NEIL3: variants seen among roughly 807,000 people sequenced by gnomAD.
NEIL3 encodes the protein nei like DNA glycosylase 3.
Under a neutral mutation model 57.5 loss-of-function variants are expected in NEIL3, and 48 were observed. The observed-to-expected ratio is 0.83, with a 90% confidence interval of 0.66 to 1.06. The LOEUF is 1.06. NEIL3 is among the 50% of genes least tolerant of loss of function. The probability of loss-of-function intolerance (pLI) is 0.00; values close to 1 mark genes in which losing one functional copy is unlikely to be tolerated. For missense variants in NEIL3, 717 were observed against 739.1 expected, an observed-to-expected ratio of 0.97 and a Z score of 0.35; for synonymous variants, 261 against 253.2, an observed-to-expected ratio of 1.03 and a Z score of -0.29.
At chr4:177,335,556 C>G (rs1734956866) in intron 2 of NEIL3, 132 bp from the exon 3 acceptor site, 1 of 639,880 alleles carries the variant, frequency 1.6e-6, no homozygotes, top group Admixed American at 2.8e-5. Flanking sequence ...CCACTGGTTT[C>G]TGCCCTTTAA....
intron 8 of NEIL3, among the ~76,000 whole-genome samples, chr4:177,360,071 G>C (rs1203809059): frequency 6.6e-6 from 1 of 152,196 alleles, no homozygotes; most frequent in African/African-American, 2.4e-5. Context: ...ATGAGAGTTT[G>C]CTACCGATGA....
intron 6 of NEIL3, among the ~76,000 whole-genome samples, chr4:177,350,508 C>G (rs561149069): frequency 6.6e-6 from 1 of 152,090 alleles, no homozygotes; most frequent in South Asian, 2.1e-4. Context: ...TGGCTATCCA[C>G]CATGAAACAG....
chr4:177,351,519 T>G lies in NEIL3; in HGVS notation c.1009T>G (p.Cys337Gly). The G allele has an allele frequency of 2.5e-6, 4 of 1,613,654 alleles. No homozygotes were observed. The highest frequency in any genetic ancestry group is 3.4e-6 in the Non-Finnish European group (4 of 1,179,862). ...AATCAATAAGCCCTCTTCTAAGGCA[T>G]GTGATGCTTGCTTGACCTCAAGGCC... ...TLINKPSSKA[C>G]DACLTSRPID... is the part of the protein sequence containing the mutation. Residue 337 changes from cysteine to glycine, a missense_variant, in exon 7 of 10, where the codon TGT becomes GGT. Coordinates refer to ENST00000264596, the MANE Select transcript of NEIL3 (RefSeq NM_018248.3).
intron 4 of NEIL3, among the ~76,000 whole-genome samples, chr4:177,337,996 C>T (rs1486989005): frequency 2.7e-5 from 4 of 149,628 alleles, no homozygotes; most frequent in African/African-American, 1.0e-4. Context: ...TGCAGTCTGG[C>T]AACAGAGCGA....
chr4:177,337,572 G>GT (rs1209023029), intron 4 of NEIL3, among the ~76,000 whole-genome samples: 9 of 152,060 alleles, frequency 5.9e-5, no homozygotes, highest in Non-Finnish European at 1.0e-4. Flanking sequence ...TACGAAAGTT[G>GT]TTTTTGAAAA....
At chr4:177,354,208 G>T (rs1735425691) in intron 8 of NEIL3, 1 of 150,856 alleles carries the variant, frequency 6.6e-6, no homozygotes, top group Non-Finnish European at 1.5e-5. Context: ...TTAGAGAAGG[G>T]AAGGAAATGA....
chr4:177,344,097 A>G (rs1301692458), intron 6 of NEIL3, among the ~76,000 whole-genome samples: 3 of 152,158 alleles, frequency 2.0e-5, no homozygotes, highest in African/African-American at 7.2e-5. Context: ...AGTTCCCCAA[A>G]AGAGACCTAT....
At chr4:177,369,221 GAGGT>G in the NEIL3 span, among the ~76,000 whole-genome samples, 1 of 152,172 alleles carries the variant, frequency 6.6e-6, no homozygotes, top group Non-Finnish European at 1.5e-5. Context: ...CTTCAGGAAA[GAGGT>G]AGGAAAGAGT....
At chr4:177,360,745 T>G in intron 9 of NEIL3, 68 bp downstream of exon 9, 1 of 1,198,622 alleles carries the variant, frequency 8.3e-7, no homozygotes, top group Non-Finnish European at 1.1e-6. Context: ...GTATAACAAA[T>G]AGCAATACTT....
At chr4:177,324,950 C>CAGATAGATAGATAGAT (rs56773423) in intron 2 of NEIL3, among the ~76,000 whole-genome samples, 401 of 149,448 alleles carry the variant, frequency 2.7e-3, no homozygotes, top group East Asian at 5.2e-3. Context: ...ATTTAAAAAA[C>CAGATAGATAGATAGAT]AGATAGATAG....
chr4:177,320,672 G>T (rs996940538), intron 1 of NEIL3, among the ~76,000 whole-genome samples: 23 of 151,308 alleles, frequency 1.5e-4, no homozygotes, highest in African/African-American at 5.6e-4. Context: ...GTAGAGACAG[G>T]GTTTCACGGT....
Position 177,345,474 on chromosome 4 carries a change from T to TA in NEIL3, c.869+3832_869+3833insA, listed in dbSNP as rs1553988530. The stretch of plus-strand genomic sequence containing the variant: ...GTCTGCAAACCAACTCTTTTTTTTT[T>TA]TTATTATTATTATACTTTAAGTTTT... On this transcript the variant is annotated intron_variant, in intron 6 of 9. Coordinates refer to ENST00000264596, the MANE Select transcript of NEIL3 (RefSeq NM_018248.3). 7.5e-3 allele frequency among the ~76,000 whole-genome samples: 1,135 copies of TA among 151,186 alleles called. 21 individuals carry two copies. Among genetic ancestry groups the TA allele is most frequent in the East Asian group, 0.059 (302 of 5,120 alleles).
At chr4:177,364,514 G>A (rs1247252082), downstream of NEIL3, among the ~76,000 whole-genome samples, 1 of 152,180 alleles carries the variant, frequency 6.6e-6, no homozygotes, top group East Asian at 1.9e-4. Flanking sequence ...TGGGAAGTAA[G>A]GGGGAAATCT....
intron 1 of NEIL3, among the ~76,000 whole-genome samples, chr4:177,310,699 A>G (rs1734460643): frequency 6.6e-6 from 1 of 152,252 alleles, no homozygotes; most frequent in African/African-American, 2.4e-5. Context: ...AAACTAGCAC[A>G]GCTTCTTGCC....
chr4:177,334,972 A>G (rs907181243), intron 2 of NEIL3, among the ~76,000 whole-genome samples: 1 of 152,238 alleles, frequency 6.6e-6, no homozygotes. Context: ...CGAATTTTTC[A>G]TCGCTGCCTT....
chr4:177,329,606 G>A (rs1002961964), intron 2 of NEIL3, among the ~76,000 whole-genome samples: 1 of 152,194 alleles, frequency 6.6e-6, no homozygotes, highest in African/African-American at 2.4e-5. Flanking sequence ...AAAGGGCAAA[G>A]AGAAACTAAT....
intron 2 of NEIL3, among the ~76,000 whole-genome samples, chr4:177,329,000 G>A (rs1010149500): frequency 5.3e-5 from 8 of 152,114 alleles, no homozygotes; most frequent in South Asian, 2.1e-4. Flanking sequence ...TATACGTTTT[G>A]CATATCATTT....
chr4:177,354,642 C>G (rs2110934504), intron 8 of NEIL3, among the ~76,000 whole-genome samples: 1 of 152,200 alleles, frequency 6.6e-6, no homozygotes. Flanking sequence ...CAACATTCGG[C>G]TAATTTTTTT....
chr4:177,351,522 G>A lies in NEIL3; in HGVS notation c.1012G>A (p.Asp338Asn). ...LINKPSSKAC[D>N]ACLTSRPIDS... ...CAATAAGCCCTCTTCTAAGGCATGT[G>A]ATGCTTGCTTGACCTCAAGGCCTAT... is the stretch of plus-strand genomic sequence containing the variant. Residue 338 changes from aspartate (D) to asparagine (N), a missense_variant, in exon 7 of 10, where the codon GAT becomes AAT. By Grantham distance (23) the Asp-to-Asn change is conservative. Coordinates refer to ENST00000264596, the MANE Select transcript of NEIL3 (RefSeq NM_018248.3). 1 of 1,613,498 alleles carries A rather than the reference G, an allele frequency of 6.2e-7. No individual in the cohort carries two copies.
Sources: allele counts gnomAD v4.1 joint callset (sites outside exome capture counted in the v4.1 genomes callset), GRCh38; gene constraint gnomAD v4.1.1; transcripts MANE v1.5; gene names NCBI Gene and HGNC (gene_info 2026-07-23, HGNC 2026-07-21).